Variants in OSBPL6 observed in about 807,000 individuals in gnomAD.
OSBPL6 encodes oxysterol binding protein like 6, also known as oxysterol-binding protein-related protein 6.
Under a neutral mutation model 125.8 loss-of-function variants are expected in OSBPL6, and 49 were observed. The observed-to-expected ratio is 0.39, with a 90% CI of 0.31 to 0.49. The LOEUF (loss-of-function observed/expected upper bound fraction) is 0.49, where lower values mean the gene tolerates loss of function less well. Among genes scored for constraint, OSBPL6 ranks in the 20% least tolerant of loss-of-function variants. The pLI is 0.88. For synonymous variants in OSBPL6, 394 were observed against 391.8 expected, an observed-to-expected ratio of 1.01 and a Z score of -0.07; for missense variants, 986 against 1,135.4, an observed-to-expected ratio of 0.87 and a Z score of 1.89.
At chr2:178,278,086 C>CAA (rs2092506786) in intron 1 of OSBPL6, among the ~76,000 whole-genome samples, 1 of 152,192 alleles carries the variant, frequency 6.6e-6, no homozygotes, top group Non-Finnish European at 1.5e-5. Flanking sequence ...TCTTGATTTT[C>CAA]ATATACTTTT....
intron 1 of OSBPL6, among the ~76,000 whole-genome samples, chr2:178,207,570 C>T (rs893408266): frequency 3.3e-5 from 5 of 152,130 alleles, no homozygotes; most frequent in African/African-American, 1.2e-4. Flanking sequence ...TATTTTTCAG[C>T]CAACTGCAGT....
chr2:178,292,670 G>GAGTGTCCACTC (rs1409607406), intron 2 of OSBPL6, among the ~76,000 whole-genome samples: 1 of 152,094 alleles, frequency 6.6e-6, no homozygotes, highest in African/African-American at 2.4e-5. Flanking sequence ...AAAGTCTATT[G>GAGTGTCCACTC]AGTGTCCACT....
In OSBPL6 at chr2:178,387,265, A is replaced by G. The variant is rs1021095924; in HGVS notation, c.2156+126A>G. ...TACCCAAACTTCTGTTACCTTTGCC[A>G]AAGTTTTGAGAATAGACTCCCACAA... On this transcript the variant is annotated intron_variant, in intron 20 of 24. Coordinates refer to ENST00000190611, the MANE Select transcript of OSBPL6 (RefSeq NM_032523.4). 13 of 687,314 alleles carry G rather than the reference A, an allele frequency of 1.9e-5. No individual in the cohort carries two copies. The African/African-American group carries it at 2.0e-4, about 11-fold the overall frequency. The allele number at this position is 687,314 out of a possible 1,614,324, so 42.6% of individuals were successfully genotyped here.
chr2:178,361,581 A>G (rs1203699157), intron 12 of OSBPL6, 101 bp from the exon 13 acceptor site: 2 of 1,434,722 alleles, frequency 1.4e-6, no homozygotes, highest in East Asian at 2.3e-5. Flanking sequence ...AGCCTTTCCA[A>G]AAAATGCCTA....
At chr2:178,263,806 CGTGTGTGTGTGT>C (rs71393413) in intron 1 of OSBPL6, among the ~76,000 whole-genome samples, 2 of 147,810 alleles carry the variant, frequency 1.4e-5, no homozygotes, top group African/African-American at 2.5e-5. Flanking sequence ...ACTGTGTACA[CGTGTGTGTGTGT>C]GTGTGTGTGT....
chr2:178,238,075 G>A (rs890165988), intron 1 of OSBPL6, among the ~76,000 whole-genome samples: 5 of 152,260 alleles, frequency 3.3e-5, no homozygotes, highest in African/African-American at 4.8e-5. Context: ...GCATGTCATG[G>A]TATTCATCTC....
chr2:178,194,888 C>T (rs1189192545), intron 1 of OSBPL6, among the ~76,000 whole-genome samples: 1 of 152,132 alleles, frequency 6.6e-6, no homozygotes, highest in Non-Finnish European at 1.5e-5. Context: ...GCGGTGTCAG[C>T]CCATTCTCGC....
intron 11 of OSBPL6, among the ~76,000 whole-genome samples, chr2:178,345,701 TAGAG>T (rs546349358): frequency 1.5e-3 from 233 of 152,320 alleles, no homozygotes; most frequent in African/African-American, 5.4e-3. Flanking sequence ...ACATGGTTAT[TAGAG>T]AGAGAACAAC....
chr2:178,281,259 T>A (rs539479979), intron 1 of OSBPL6, among the ~76,000 whole-genome samples: 4 of 152,246 alleles, frequency 2.6e-5, no homozygotes, highest in African/African-American at 9.6e-5. Flanking sequence ...GTGATCCGCC[T>A]GCCTCGGCCT....
intron 3 of OSBPL6, chr2:178,320,408 T>G: frequency 6.2e-7 from 1 of 1,612,670 alleles, no homozygotes; most frequent in Non-Finnish European, 8.5e-7. Flanking sequence ...GGCGGGTAAG[T>G]ACTTCCACCT....
intron 12 of OSBPL6, among the ~76,000 whole-genome samples, chr2:178,359,295 A>G (rs559625573): frequency 6.6e-6 from 1 of 152,354 alleles, no homozygotes; most frequent in East Asian, 1.9e-4. Context: ...ACCAACAAGT[A>G]CATAAAAAGG....
chr2:178,390,271 C>T (rs1252568250), intron 21 of OSBPL6, among the ~76,000 whole-genome samples: 1 of 152,214 alleles, frequency 6.6e-6, no homozygotes, highest in East Asian at 1.9e-4. Context: ...TGCTGTAACC[C>T]TGGCAATGTA....
chr2:178,200,107 A>G (rs998023705), intron 1 of OSBPL6, among the ~76,000 whole-genome samples: 2 of 152,232 alleles, frequency 1.3e-5, no homozygotes, highest in African/African-American at 4.8e-5. Flanking sequence ...TACAAAGATT[A>G]AAGCACATTT....
In OSBPL6 at chr2:178,339,657, A is replaced by T. The variant is rs773443188; in HGVS notation, c.895-15A>T. 5 of 1,573,472 alleles carry T rather than the reference A, an allele frequency of 3.2e-6. No homozygotes were observed. The highest frequency in any genetic ancestry group is 4.3e-6 in the Non-Finnish European group (5 of 1,161,858). ...TAATAATACTTTGTTGCTTTTAACT[A>T]TTTGTGTAATGTAGGCTAACTGTGT... On this transcript the variant is annotated splice_polypyrimidine_tract_variant and intron_variant, in intron 10 of 24. Transcript: ENST00000190611.
intron 1 of OSBPL6, among the ~76,000 whole-genome samples, chr2:178,246,692 G>A (rs536197879): frequency 6.6e-6 from 1 of 152,200 alleles, no homozygotes; most frequent in South Asian, 2.1e-4. Flanking sequence ...TTCATATAAG[G>A]TCATCAGGAA....
chr2:178,227,387 T>C (rs1311976925), intron 1 of OSBPL6, among the ~76,000 whole-genome samples: 1 of 152,240 alleles, frequency 6.6e-6, no homozygotes. Flanking sequence ...AAAATAGTTC[T>C]GGCATTATGT....
At chr2:178,198,259 G>A in intron 1 of OSBPL6, among the ~76,000 whole-genome samples, 1 of 152,034 alleles carries the variant, frequency 6.6e-6, no homozygotes, top group Middle Eastern at 3.2e-3. Context: ...AAAGGTATTT[G>A]ACTATAATGA....
chr2:178,291,945 T>C (rs1262216448), intron 2 of OSBPL6, among the ~76,000 whole-genome samples: 2 of 152,108 alleles, frequency 1.3e-5, no homozygotes, highest in Non-Finnish European at 2.9e-5. Flanking sequence ...TTTTAAACTT[T>C]CATTTTTGAC....
chr2:178,388,905 T>G, intron 20 of OSBPL6, 104 bp from the exon 21 acceptor site: 1 of 1,176,278 alleles, frequency 8.5e-7, no homozygotes, highest in African/African-American at 1.6e-5. Context: ...GGGAGGAGAA[T>G]GAGGGAAAAG....
Sources: allele counts gnomAD v4.1 joint callset (sites outside exome capture counted in the v4.1 genomes callset), GRCh38; gene constraint gnomAD v4.1.1; transcripts MANE v1.5; gene names NCBI Gene and HGNC (gene_info 2026-07-23, HGNC 2026-07-21).